The following NSMCE2 variants were observed in gnomAD, a reference collection of about 807,000 sequenced individuals.
NSMCE2 encodes NSE2 SUMO ligase component of SMC5/6 complex.
NSMCE2 carries 24 observed loss-of-function variants against 23.8 expected under a neutral mutation model. The ratio of observed to expected loss-of-function variants is 1.01; its 90% confidence interval spans 0.73 to 1.42. The LOEUF is 1.42. NSMCE2 is among the 40% of genes most tolerant of loss of function. The probability of loss-of-function intolerance (pLI) is 0.00; values close to 1 mark genes in which losing one functional copy is unlikely to be tolerated. For missense variants in NSMCE2, 284 were observed against 296.5 expected, an observed-to-expected ratio of 0.96 and a Z score of 0.31; for synonymous variants, 92 against 94.1, an observed-to-expected ratio of 0.98 and a Z score of 0.13.
intron 5 of NSMCE2, among the ~76,000 whole-genome samples, chr8:125,323,937 A>G (rs1829547455): frequency 6.6e-6 from 1 of 152,160 alleles, no homozygotes; most frequent in African/African-American, 2.4e-5. Flanking sequence ...ATAGTAAAAG[A>G]TCTCTCAAAA....
intron 5 of NSMCE2, among the ~76,000 whole-genome samples, chr8:125,296,180 TTCTTTTTACAAACTGAG>T (rs1052852647): frequency 6.6e-6 from 1 of 152,224 alleles, no homozygotes; most frequent in African/African-American, 2.4e-5. Flanking sequence ...TGTTATTTTC[TTCTTTTTACAAACTGAG>T]GTAAATTTAG....
chr8:125,255,113 A>G (rs1826351284), intron 5 of NSMCE2, among the ~76,000 whole-genome samples: 1 of 152,020 alleles, frequency 6.6e-6, no homozygotes, highest in African/African-American at 2.4e-5. Flanking sequence ...GATGAAGCCT[A>G]AAGACCCAAG....
chr8:125,235,196 G>A (rs996534566), intron 5 of NSMCE2, among the ~76,000 whole-genome samples: 9 of 151,218 alleles, frequency 6.0e-5, no homozygotes, highest in Middle Eastern at 6.9e-3. Context: ...AGCCAAGGTC[G>A]TGCCACTGCA....
intron 5 of NSMCE2, among the ~76,000 whole-genome samples, chr8:125,255,144 A>G (rs1256307035): frequency 6.6e-6 from 1 of 152,000 alleles, no homozygotes. Flanking sequence ...CCAACTTGTC[A>G]GCTGTATGAA....
chr8:125,101,101 T>C (rs1818166422), intron 1 of NSMCE2, among the ~76,000 whole-genome samples: 2 of 152,250 alleles, frequency 1.3e-5, no homozygotes, highest in Admixed American at 6.5e-5. Flanking sequence ...AGAAATCTTA[T>C]GCATCTCTGT....
intron 5 of NSMCE2, among the ~76,000 whole-genome samples, chr8:125,221,538 C>T (rs530815445): frequency 6.6e-6 from 1 of 152,362 alleles, no homozygotes; most frequent in African/African-American, 2.4e-5. Context: ...GCCACTGTGC[C>T]CAGCCAGATG....
At chr8:125,338,505 A>G (rs986600730) in intron 5 of NSMCE2, among the ~76,000 whole-genome samples, 1 of 152,224 alleles carries the variant, frequency 6.6e-6, no homozygotes, top group African/African-American at 2.4e-5. Context: ...TATTGCATCA[A>G]AATTCCCAAG....
chr8:125,180,440 C>T (rs1488713380), intron 4 of NSMCE2, among the ~76,000 whole-genome samples: 1 of 152,178 alleles, frequency 6.6e-6, no homozygotes, highest in African/African-American at 2.4e-5. Context: ...GCTTAATTCT[C>T]ATTTTCTATT....
rs117021190 is a variant in NSMCE2, at chr8:125,251,297, A to G, written c.418+69041A>G. Reference sequence around the variant, plus strand: ...ATTCCATTCTCAATAATGACATAATACAGAAAATGCCCACAAATGAACTGG... The same window carrying G: ...ATTCCATTCTCAATAATGACATAATGCAGAAAATGCCCACAAATGAACTGG... On this transcript the variant is annotated intron_variant, in intron 5 of 7. Transcript: ENST00000287437. Among the ~76,000 whole-genome samples, 34 of 152,344 alleles carry G rather than the reference A, an allele frequency of 2.2e-4. No homozygotes were observed. The East Asian group carries it at 6.2e-3, about 28-fold the overall frequency.
intron 5 of NSMCE2, among the ~76,000 whole-genome samples, chr8:125,267,299 G>T (rs529846561): frequency 6.6e-6 from 1 of 152,094 alleles, no homozygotes. Flanking sequence ...GAGCCACCGC[G>T]CCCAGCCAAG....
chr8:125,306,749 A>C (rs1828781715), intron 5 of NSMCE2, among the ~76,000 whole-genome samples: 2 of 152,206 alleles, frequency 1.3e-5, no homozygotes, highest in Admixed American at 1.3e-4. Flanking sequence ...GTAATGGTTA[A>C]AAGTACAGGT....
chr8:125,196,394 C>T (rs560983005), intron 5 of NSMCE2, among the ~76,000 whole-genome samples: 43 of 152,014 alleles, frequency 2.8e-4, no homozygotes, highest in Non-Finnish European at 5.7e-4. Flanking sequence ...TGATGTTCCC[C>T]GCCCTGTGTC....
At chr8:125,216,393 A>G (rs1824584505) in intron 5 of NSMCE2, among the ~76,000 whole-genome samples, 1 of 152,118 alleles carries the variant, frequency 6.6e-6, no homozygotes, top group Non-Finnish European at 1.5e-5. Flanking sequence ...TAATCCCAGC[A>G]CTTTGGAAGG....
intron 4 of NSMCE2, among the ~76,000 whole-genome samples, chr8:125,158,926 A>G (rs1213644682): frequency 6.6e-6 from 1 of 152,226 alleles, no homozygotes; most frequent in South Asian, 2.1e-4. Context: ...CACAGTAGTC[A>G]CTGGTTGTCT....
At chr8:125,123,685 A>G (rs1275955171) in intron 3 of NSMCE2, among the ~76,000 whole-genome samples, 2 of 152,228 alleles carry the variant, frequency 1.3e-5, no homozygotes, top group South Asian at 2.1e-4. Flanking sequence ...ATGTAGAGCT[A>G]TTAAGTTTGG....
At chr8:125,232,508 A>ATTT (rs1470801604) in intron 5 of NSMCE2, among the ~76,000 whole-genome samples, 4 of 152,228 alleles carry the variant, frequency 2.6e-5, no homozygotes, top group African/African-American at 9.6e-5. Flanking sequence ...AAGGTGACAC[A>ATTT]TTTATTACCA....
Position 125,310,292 on chromosome 8 carries a change from G to T in NSMCE2, c.419-46927G>T, listed in dbSNP as rs544497191. ...CAGCCCACCACCTGTCAGATTTGGG[G>T]CAAGTTATTTAACCTTTTTTGCTCC... On this transcript the variant is annotated intron_variant, in intron 5 of 7. Transcript: ENST00000287437. 3.9e-5 allele frequency among the ~76,000 whole-genome samples: 6 copies of T among 152,220 alleles called. No homozygotes were observed. The East Asian group carries it at 5.8e-4, about 15-fold the overall frequency.
chr8:125,200,269 C>T (rs1308133202), intron 5 of NSMCE2, among the ~76,000 whole-genome samples: 2 of 152,132 alleles, frequency 1.3e-5, no homozygotes, highest in Non-Finnish European at 2.9e-5. Flanking sequence ...TTCCTAGCCT[C>T]GATGGTCTTT....
At chr8:125,182,373 T>C in intron 5 of NSMCE2, 117 bp downstream of exon 5, 1 of 823,714 alleles carries the variant, frequency 1.2e-6, no homozygotes, top group Non-Finnish European at 2.0e-6. Context: ...TGATCCTCAT[T>C]CTAAGTTGCG....
Sources: gnomAD v4.1 joint callset for allele counts (sites outside exome capture counted in the v4.1 genomes callset) on GRCh38, gnomAD v4.1.1 for gene constraint, MANE v1.5 for transcripts, NCBI Gene and HGNC (gene_info 2026-07-23, HGNC 2026-07-21) for gene names.